SLC24A2: variants seen among roughly 807,000 people sequenced by gnomAD.
SLC24A2 encodes solute carrier family 24 member 2, also known as sodium/potassium/calcium exchanger 2.
A neutral mutation model predicts 62.0 loss-of-function variants in SLC24A2; 36 were observed. The observed-to-expected ratio is 0.58, with a 90% CI of 0.44 to 0.77. The LOEUF (loss-of-function observed/expected upper bound fraction) is 0.77, where lower values mean the gene tolerates loss of function less well. Ranked by LOEUF, SLC24A2 falls within the 30% of genes least tolerant of loss-of-function variation. The pLI, the probability that SLC24A2 is intolerant of heterozygous loss-of-function variation, is 0.00. For synonymous variants in SLC24A2, 358 were observed against 294.0 expected, an observed-to-expected ratio of 1.22 and a Z score of -2.23; for missense variants, 846 against 817.9, an observed-to-expected ratio of 1.03 and a Z score of -0.42.
the SLC24A2 span, among the ~76,000 whole-genome samples, chr9:20,000,500 C>T: frequency 1.4e-3 from 219 of 152,220 alleles, 2 homozygotes; most frequent in African/African-American, 4.9e-3. Context: ...AAAGTTTATC[C>T]AGTCTCATTG....
At chr9:19,750,481 T>G (rs1456003968) in intron 2 of SLC24A2, among the ~76,000 whole-genome samples, 1 of 152,072 alleles carries the variant, frequency 6.6e-6, no homozygotes, top group Non-Finnish European at 1.5e-5. Flanking sequence ...ATACTGCAAC[T>G]AATCAAATGC....
the SLC24A2 span, among the ~76,000 whole-genome samples, chr9:19,963,269 A>T: frequency 1.3e-5 from 2 of 148,504 alleles, no homozygotes; most frequent in Non-Finnish European, 3.0e-5. Flanking sequence ...AAAACCCTAG[A>T]AGAAAACCTA....
the SLC24A2 span, among the ~76,000 whole-genome samples, chr9:20,039,412 T>C: frequency 1.3e-5 from 2 of 151,900 alleles, no homozygotes; most frequent in Admixed American, 6.6e-5. Context: ...GGAAACCCAG[T>C]CCAGGGCAGG....
intron 2 of SLC24A2, among the ~76,000 whole-genome samples, chr9:19,714,205 A>C (rs576493441): frequency 9.9e-4 from 151 of 152,280 alleles, no homozygotes; most frequent in Non-Finnish European, 1.9e-3. Context: ...TGTGTGACCT[A>C]TGGCCACCCT....
chr9:19,707,458 G>T (rs988174016), intron 2 of SLC24A2, among the ~76,000 whole-genome samples: 2 of 152,116 alleles, frequency 1.3e-5, no homozygotes, highest in African/African-American at 4.8e-5. Flanking sequence ...AACCAAAAAA[G>T]AATTTTAGAC....
chr9:20,087,790 G>C, the SLC24A2 span, among the ~76,000 whole-genome samples: 1 of 151,700 alleles, frequency 6.6e-6, no homozygotes, highest in Non-Finnish European at 1.5e-5. Context: ...AAACATCCAG[G>C]TACATGCACT....
chr9:20,096,213 A>C, the SLC24A2 span, among the ~76,000 whole-genome samples: 3 of 152,190 alleles, frequency 2.0e-5, no homozygotes, highest in South Asian at 6.2e-4. Context: ...AAAAATTTGA[A>C]AACTGTTGTT....
the SLC24A2 span, among the ~76,000 whole-genome samples, chr9:20,129,106 C>A: frequency 3.9e-5 from 6 of 151,930 alleles, no homozygotes; most frequent in Non-Finnish European, 7.4e-5. Flanking sequence ...AACCAATCAA[C>A]CCACTTTTGA....
intron 2 of SLC24A2, among the ~76,000 whole-genome samples, chr9:19,722,286 T>C (rs1214428387): frequency 6.6e-6 from 1 of 152,130 alleles, no homozygotes; most frequent in Non-Finnish European, 1.5e-5. Flanking sequence ...GTTTATGGGA[T>C]TATCAATTCT....
At chr9:19,562,002 C>G (rs893899429) in intron 7 of SLC24A2, among the ~76,000 whole-genome samples, 1 of 152,108 alleles carries the variant, frequency 6.6e-6, no homozygotes, top group Non-Finnish European at 1.5e-5. Context: ...TTCCGAGAGG[C>G]CAAGAAACCA....
At chr9:19,889,501 C>T in the SLC24A2 span, among the ~76,000 whole-genome samples, 1 of 152,056 alleles carries the variant, frequency 6.6e-6, no homozygotes, top group Non-Finnish European at 1.5e-5. Context: ...TCATGCTTAG[C>T]AATCACCAAA....
intron 2 of SLC24A2, among the ~76,000 whole-genome samples, chr9:19,701,562 C>G (rs1460229946): frequency 6.6e-6 from 1 of 152,120 alleles, no homozygotes; most frequent in East Asian, 1.9e-4. Flanking sequence ...TATTACTGAA[C>G]AGTTCTGGAG....
At chr9:20,146,313 G>A in the SLC24A2 span, among the ~76,000 whole-genome samples, 1 of 152,120 alleles carries the variant, frequency 6.6e-6, no homozygotes, top group Non-Finnish European at 1.5e-5. Flanking sequence ...GAGAGAAAAG[G>A]AAGTCTGAGT....
the SLC24A2 span, among the ~76,000 whole-genome samples, chr9:19,958,832 T>C: frequency 6.6e-6 from 1 of 152,226 alleles, no homozygotes; most frequent in African/African-American, 2.4e-5. Context: ...TTACTGTTTG[T>C]GACTTTTTAA....
intron 4 of SLC24A2, 97 bp downstream of exon 4, chr9:19,619,487 G>A: frequency 1.1e-6 from 1 of 940,888 alleles, no homozygotes; most frequent in Non-Finnish European, 1.8e-6. Context: ...AGGCTGGCAG[G>A]CGTGCATGAC....
upstream of SLC24A2, among the ~76,000 whole-genome samples, chr9:19,791,881 T>G (rs768433162): frequency 1.8e-4 from 28 of 152,220 alleles, no homozygotes; most frequent in Non-Finnish European, 2.8e-4. Flanking sequence ...AGTATAAACA[T>G]TAGTTGGCCT....
the SLC24A2 span, among the ~76,000 whole-genome samples, chr9:20,238,053 C>T: frequency 2.6e-5 from 4 of 152,148 alleles, no homozygotes; most frequent in Admixed American, 6.5e-5. Flanking sequence ...TCTCAGAAGA[C>T]GTAAGGACCC....
chr9:20,204,904 C>T, the SLC24A2 span, among the ~76,000 whole-genome samples: 3 of 152,042 alleles, frequency 2.0e-5, no homozygotes, highest in Admixed American at 6.5e-5. Context: ...CCACCACACT[C>T]GGCTAATTTT....
chr9:20,236,867 A>G, the SLC24A2 span, among the ~76,000 whole-genome samples: 1 of 151,962 alleles, frequency 6.6e-6, no homozygotes, highest in African/African-American at 2.4e-5. Flanking sequence ...TCTGAAAGGT[A>G]TGTGCCTGTC....
Sources: gnomAD v4.1 joint callset for allele counts (sites outside exome capture counted in the v4.1 genomes callset) on GRCh38, gnomAD v4.1.1 for gene constraint, MANE v1.5 for transcripts, NCBI Gene and HGNC (gene_info 2026-07-23, HGNC 2026-07-21) for gene names.